The following GRM8 variants were observed in gnomAD, a reference collection of about 807,000 sequenced individuals.
GRM8 encodes glutamate metabotropic receptor 8.
GRM8 carries 47 observed loss-of-function variants against 87.2 expected under a neutral mutation model. That is an observed-to-expected ratio of 0.54 (90% CI 0.43 to 0.69). GRM8 has a LOEUF of 0.69. Among genes scored for constraint, GRM8 ranks in the 30% least tolerant of loss-of-function variants. The pLI, the probability that GRM8 is intolerant of heterozygous loss-of-function variation, is 0.00. For synonymous variants in GRM8, 396 were observed against 404.5 expected (o/e 0.98, Z 0.25); for missense variants, 1,019 against 1,139.2 (o/e 0.89, Z 1.52).
intron 3 of GRM8, chr7:127,090,805 C>T (rs1823989175): frequency 6.6e-6 from 1 of 152,154 alleles, no homozygotes. Flanking sequence ...GGGCAGGGTC[C>T]CATCCTCTGC....
intron 7 of GRM8, among the ~76,000 whole-genome samples, chr7:126,661,072 A>T (rs572177111): frequency 6.6e-6 from 1 of 152,338 alleles, no homozygotes; most frequent in South Asian, 2.1e-4. Flanking sequence ...AGTTAGAAAG[A>T]ATGAATAAGA....
intron 9 of GRM8, among the ~76,000 whole-genome samples, chr7:126,483,173 T>G (rs1806913061): frequency 6.7e-6 from 1 of 149,370 alleles, no homozygotes; most frequent in South Asian, 2.1e-4. Flanking sequence ...TTCCTTCAAC[T>G]TCCTTCCTTC....
chr7:127,170,836 CAG>C (rs975614382), intron 2 of GRM8, among the ~76,000 whole-genome samples: 84 of 152,122 alleles, frequency 5.5e-4, no homozygotes, highest in African/African-American at 1.9e-3. Flanking sequence ...TTTGGGGACT[CAG>C]GGGAAAGGGT....
At chr7:127,103,305 G>A (rs1021582588) in intron 3 of GRM8, among the ~76,000 whole-genome samples, 1 of 152,226 alleles carries the variant, frequency 6.6e-6, no homozygotes, top group Admixed American at 6.5e-5. Flanking sequence ...TGGAGGCAGG[G>A]CCTGGTGGAA....
At chr7:127,036,240 G>C (rs934957291) in intron 3 of GRM8, among the ~76,000 whole-genome samples, 1 of 152,102 alleles carries the variant, frequency 6.6e-6, no homozygotes, top group African/African-American at 2.4e-5. Context: ...GAGGAGCTAA[G>C]GAATCTGCTT....
chr7:126,830,840 A>C lies in GRM8; in HGVS notation c.1157-60775T>G, dbSNP rs548281634. 5.3e-5 allele frequency among the ~76,000 whole-genome samples: 8 copies of C among 151,982 alleles called. No individual in the cohort carries two copies. The South Asian group carries it at 1.7e-3, about 32-fold the overall frequency. ...TTTCCCCATCTTTGTGGTTTTATCT[A>C]CTTTTGGTCTTTGATGATGGTGATG... On this transcript the variant is annotated intron_variant, in intron 6 of 10. Transcript: ENST00000339582.
At chr7:126,903,567 C>CACAT (rs1554525893) in intron 5 of GRM8, among the ~76,000 whole-genome samples, 1 of 10,622 alleles carries the variant, frequency 9.4e-5, no homozygotes, top group Non-Finnish European at 1.6e-4. Flanking sequence ...TAAATACATA[C>CACAT]ACACACACAC....
chr7:126,545,403 T>C (rs1185532510), intron 8 of GRM8, among the ~76,000 whole-genome samples: 1 of 152,232 alleles, frequency 6.6e-6, no homozygotes, highest in Non-Finnish European at 1.5e-5. Flanking sequence ...AGAGTGACCA[T>C]TTTTAATTGA....
In GRM8 at chr7:126,533,111, G is replaced by A. The variant is rs2150857030; in HGVS notation, c.2271C>T (p.Ile757=). The A allele has an allele frequency of 6.2e-7, 1 of 1,613,252 alleles. No individual in the cohort carries two copies. Among genetic ancestry groups the A allele is most frequent in the East Asian group, 2.2e-5 (1 of 44,828 alleles). ...AAACAGTACAAGTGACCATCAAGAG[G>A]ATACTGTATCCAAGTGAACAAATGA... ...LSLICSLGYS[I]LLMVTCTVYA... is the part of the protein sequence containing the mutation. Residue 757 remains isoleucine, a synonymous_variant, in exon 9 of 11, where the codon ATC becomes ATT. Transcript: ENST00000339582.
intron 6 of GRM8, among the ~76,000 whole-genome samples, chr7:126,813,101 C>T (rs908418858): frequency 3.3e-5 from 5 of 152,006 alleles, no homozygotes; most frequent in Non-Finnish European, 7.4e-5. Flanking sequence ...ATCTGTACAA[C>T]AAACCCCTAT....
intron 3 of GRM8, among the ~76,000 whole-genome samples, chr7:126,966,975 C>T (rs2131732059): frequency 6.6e-6 from 1 of 152,228 alleles, no homozygotes; most frequent in Middle Eastern, 3.4e-3. Context: ...TTGTAATGTC[C>T]CCTTTAGGCC....
intron 6 of GRM8, among the ~76,000 whole-genome samples, chr7:126,804,684 C>T (rs540924642): frequency 6.6e-6 from 1 of 152,292 alleles, no homozygotes; most frequent in Non-Finnish European, 1.5e-5. Flanking sequence ...AACATTACAG[C>T]CTGAACTACA....
intron 8 of GRM8, among the ~76,000 whole-genome samples, chr7:126,560,235 G>A (rs13234319): frequency 0.2 from 30,540 of 151,950 alleles, 3,647 homozygotes; most frequent in East Asian, 0.31. Context: ...TTTTTTAACC[G>A]GAAGTCAGGT....
chr7:126,979,494 G>C (rs1723896221), intron 3 of GRM8, among the ~76,000 whole-genome samples: 1 of 152,138 alleles, frequency 6.6e-6, no homozygotes, highest in African/African-American at 2.4e-5. Context: ...TGGGTGTCTT[G>C]AGTGTTTGTT....
chr7:126,833,949 A>G (rs1056330480), intron 6 of GRM8, among the ~76,000 whole-genome samples: 1 of 152,154 alleles, frequency 6.6e-6, no homozygotes, highest in Non-Finnish European at 1.5e-5. Context: ...GTAAGGGTCC[A>G]CTGGCCACAT....
chr7:127,068,816 C>T (rs1470412020), intron 3 of GRM8, among the ~76,000 whole-genome samples: 5 of 152,114 alleles, frequency 3.3e-5, no homozygotes, highest in Non-Finnish European at 4.4e-5. Context: ...ATAAGAAGAC[C>T]TTATCCTCCT....
At chr7:126,853,054 T>C (rs1797360941) in intron 6 of GRM8, among the ~76,000 whole-genome samples, 1 of 152,158 alleles carries the variant, frequency 6.6e-6, no homozygotes, top group African/African-American at 2.4e-5. Flanking sequence ...GGATGGAATG[T>C]TTCATAAATA....
At chr7:127,190,479 G>A (rs980913959) in intron 2 of GRM8, among the ~76,000 whole-genome samples, 2 of 152,046 alleles carry the variant, frequency 1.3e-5, no homozygotes, top group Non-Finnish European at 2.9e-5. Context: ...TGGAGGCAGA[G>A]GTTGCAGTGA....
chr7:126,845,595 T>C (rs1328156421), intron 6 of GRM8, among the ~76,000 whole-genome samples: 3 of 152,126 alleles, frequency 2.0e-5, no homozygotes, highest in Non-Finnish European at 4.4e-5. Context: ...TTAAAACACA[T>C]TTGTACAATC....
Sources: gnomAD v4.1 joint callset for allele counts (sites outside exome capture counted in the v4.1 genomes callset) on GRCh38, gnomAD v4.1.1 for gene constraint, MANE v1.5 for transcripts, NCBI Gene and HGNC (gene_info 2026-07-23, HGNC 2026-07-21) for gene names.